The following ARL15 variants were observed in gnomAD, a reference collection of about 807,000 sequenced individuals.
ARL15 encodes ARF like GTPase 15.
Under a neutral mutation model 25.2 loss-of-function variants are expected in ARL15, and 19 were observed. The observed-to-expected ratio is 0.75, with a 90% confidence interval of 0.53 to 1.10. ARL15 has a LOEUF of 1.10. Ranked by LOEUF, ARL15 falls within the 50% of genes least tolerant of loss-of-function variation. ARL15 has a pLI of 0.00. For synonymous variants in ARL15, 94 were observed against 86.8 expected, an observed-to-expected ratio of 1.08 and a Z score of -0.46; for missense variants, 220 against 246.0, an observed-to-expected ratio of 0.89 and a Z score of 0.71.
chr5:54,007,482 C>A (rs907629138), intron 4 of ARL15, among the ~76,000 whole-genome samples: 1 of 152,114 alleles, frequency 6.6e-6, no homozygotes, highest in Non-Finnish European at 1.5e-5. Flanking sequence ...TGATCCTGGC[C>A]TTAAATAAAA....
chr5:54,217,933 G>A (rs1161340751), intron 1 of ARL15, among the ~76,000 whole-genome samples: 1 of 147,660 alleles, frequency 6.8e-6, no homozygotes, highest in East Asian at 2.0e-4. Flanking sequence ...AAGTTTAAAA[G>A]GGGGAAAAAA....
intron 1 of ARL15, among the ~76,000 whole-genome samples, chr5:54,258,688 G>A (rs549345219): frequency 1.7e-4 from 26 of 152,278 alleles, no homozygotes; most frequent in Admixed American, 7.8e-4. Context: ...CTGGAGTAAT[G>A]GAAAGCCACC....
At chr5:54,112,085 T>C (rs1752757805) in intron 4 of ARL15, among the ~76,000 whole-genome samples, 1 of 152,190 alleles carries the variant, frequency 6.6e-6, no homozygotes, top group Non-Finnish European at 1.5e-5. Context: ...AAGTGAGACA[T>C]GAGCTCTGTC....
intron 1 of ARL15, among the ~76,000 whole-genome samples, chr5:54,273,313 A>C (rs947128153): frequency 6.6e-5 from 10 of 152,206 alleles, no homozygotes; most frequent in Admixed American, 3.3e-4. Context: ...GATGGGATAA[A>C]CTGGCACCCT....
intron 1 of ARL15, among the ~76,000 whole-genome samples, chr5:54,303,202 A>G (rs1211696943): frequency 6.6e-6 from 1 of 151,832 alleles, no homozygotes; most frequent in African/African-American, 2.4e-5. Flanking sequence ...GTGGCAAAAG[A>G]ACATAGCACA....
chr5:54,310,187 CGCGACCCTCGCCCTGCAGCCGT>C, intron 1 of ARL15: 1 of 455,878 alleles, frequency 2.2e-6, no homozygotes, highest in Non-Finnish European at 3.9e-6. Flanking sequence ...GCAGCCCCAG[CGCGACCCTCGCCCTGCAGCCGT>C]GCTGGCCCAG....
chr5:54,110,652 C>T (rs1000014241), intron 4 of ARL15, among the ~76,000 whole-genome samples: 11 of 151,942 alleles, frequency 7.2e-5, no homozygotes, highest in Non-Finnish European at 1.5e-5. Flanking sequence ...AGTAAGAATG[C>T]TTATCAGCAA....
Position 54,087,116 on chromosome 5 carries a change from C to T in ARL15, c.462+26086G>A, listed in dbSNP as rs180976450. Among the ~76,000 whole-genome samples, 642 of 152,162 alleles carry T rather than the reference C, an allele frequency of 4.2e-3. 4 individuals carry two copies. Among genetic ancestry groups the T allele is most frequent in the African/African-American group, 0.015 (614 of 41,516 alleles). ...CTTTGAGAGGTCAAGGTGGGCGGATCACGAGGTCAGGGGATCAAGACCATC... is the reference window on the plus strand; with the variant it reads ...CTTTGAGAGGTCAAGGTGGGCGGATTACGAGGTCAGGGGATCAAGACCATC... On this transcript the variant is annotated intron_variant, in intron 4 of 4. Transcript: ENST00000504924.
rs114807723 is a variant in ARL15 at position 53,993,345 on chromosome 5, C to T, written c.463-106632G>A. 5.2e-3 allele frequency among the ~76,000 whole-genome samples: 784 copies of T among 152,056 alleles called. 3 individuals carry two copies. Among genetic ancestry groups the T allele is most frequent in the Admixed American group, 0.011 (164 of 15,268 alleles). On this transcript the variant is annotated intron_variant, in intron 4 of 4. Transcript: ENST00000504924. ...CAGTTTTGGGCTGGGCATGGTAGCT[C>T]GTGCCTGTAATCCTAGCCTTTGTGA...
chr5:54,215,265 G>C (rs547913139), intron 1 of ARL15, among the ~76,000 whole-genome samples: 1 of 152,024 alleles, frequency 6.6e-6, no homozygotes, highest in South Asian at 2.1e-4. Flanking sequence ...TTCTGTGGAA[G>C]ACAAAATAAC....
In ARL15 at chr5:54,136,420, T is replaced by C. The variant is rs1372943901; in HGVS notation, c.253+18160A>G. Among the ~76,000 whole-genome samples the C allele has an allele frequency of 2.0e-5, 3 of 152,202 alleles. No homozygotes were observed. In the East Asian group the frequency reaches 5.8e-4, roughly 29 times the overall value. The stretch of plus-strand genomic sequence containing the variant: ...AGTCAATTTTTCAATGCATCTTGAC[T>C]AAATGTAAAATATCATCTGTTTTTG... On this transcript the variant is annotated intron_variant, in intron 3 of 4. Transcript: ENST00000504924.
chr5:54,079,914 G>A (rs1751733861), intron 4 of ARL15, among the ~76,000 whole-genome samples: 1 of 151,684 alleles, frequency 6.6e-6, no homozygotes. Flanking sequence ...AGGTTGCAGT[G>A]AGCTGAGATC....
At chr5:54,136,771 T>C (rs1295837705) in intron 3 of ARL15, among the ~76,000 whole-genome samples, 2 of 152,014 alleles carry the variant, frequency 1.3e-5, no homozygotes, top group African/African-American at 4.8e-5. Context: ...GGGCTGAGAG[T>C]TTTGCTGTTT....
At chr5:54,290,682 C>T (rs569492989) in intron 1 of ARL15, among the ~76,000 whole-genome samples, 1 of 152,246 alleles carries the variant, frequency 6.6e-6, no homozygotes, top group South Asian at 2.1e-4. Flanking sequence ...CTTTGCCATG[C>T]ATTGTCCATT....
intron 4 of ARL15, among the ~76,000 whole-genome samples, chr5:54,094,810 G>T (rs1041890045): frequency 1.3e-5 from 2 of 152,126 alleles, no homozygotes; most frequent in African/African-American, 2.4e-5. Context: ...CATCTGACAA[G>T]TATTTATGAG....
chr5:54,149,933 A>G (rs1754015717), intron 3 of ARL15, among the ~76,000 whole-genome samples: 2 of 152,258 alleles, frequency 1.3e-5, no homozygotes, highest in Non-Finnish European at 2.9e-5. Context: ...TAATACTATA[A>G]AATGTCCTGC....
chr5:54,057,946 C>T (rs1334145924), intron 4 of ARL15, among the ~76,000 whole-genome samples: 2 of 151,922 alleles, frequency 1.3e-5, no homozygotes, highest in East Asian at 3.9e-4. Context: ...GTGAAGAATA[C>T]ACAGTGGTAT....
At chr5:53,931,585 C>T (rs1050828979) in intron 4 of ARL15, among the ~76,000 whole-genome samples, 4 of 152,150 alleles carry the variant, frequency 2.6e-5, no homozygotes, top group Non-Finnish European at 5.9e-5. Flanking sequence ...AAGTCAACAC[C>T]TTTACCAGAT....
At chr5:53,928,276 G>T (rs981417215) in intron 4 of ARL15, among the ~76,000 whole-genome samples, 2 of 152,194 alleles carry the variant, frequency 1.3e-5, no homozygotes, top group African/African-American at 2.4e-5. Flanking sequence ...AGTATTTTAG[G>T]ATTAGCACTT....
Sources: gnomAD v4.1 joint callset for allele counts (sites outside exome capture counted in the v4.1 genomes callset) on GRCh38, gnomAD v4.1.1 for gene constraint, MANE v1.5 for transcripts, NCBI Gene and HGNC (gene_info 2026-07-23, HGNC 2026-07-21) for gene names.